PIK3C2A: variants seen among roughly 807,000 people sequenced by gnomAD.
PIK3C2A encodes the protein phosphatidylinositol 4-phosphate 3-kinase C2 domain-containing subunit alpha.
Under a neutral mutation model 204.5 loss-of-function variants are expected in PIK3C2A, and 97 were observed. The ratio of observed to expected loss-of-function variants is 0.47; its 90% CI spans 0.40 to 0.56. PIK3C2A has a LOEUF of 0.56. Among genes scored for constraint, PIK3C2A ranks in the 20% least tolerant of loss-of-function variants. The probability of loss-of-function intolerance (pLI) is 0.00; values close to 1 mark genes in which losing one functional copy is unlikely to be tolerated. For missense variants in PIK3C2A, 1,735 were observed against 1,969.2 expected (o/e 0.88, Z 2.25); for synonymous variants, 653 against 664.4 (o/e 0.98, Z 0.26).
At chr11:17,103,954 G>C (rs944639790) in intron 23 of PIK3C2A, among the ~76,000 whole-genome samples, 1 of 152,076 alleles carries the variant, frequency 6.6e-6, no homozygotes, top group South Asian at 2.1e-4. Flanking sequence ...TTTTTCCCCA[G>C]ATCACAAAGA....
chr11:17,169,666 C>A lies in PIK3C2A; in HGVS notation c.76G>T (p.Val26Leu), dbSNP rs368878866. Reference protein sequence around the residue: ...SHPEPTRAKDVDKEEALQMEA... With the variant: ...SHPEPTRAKDLDKEEALQMEA... ...ATCTGTAATGCTTCTTCTTTGTCCA[C>A]ATCTTTTGCTCTTGTTGGTTCCGGA... The change falls in exon 2 of 33, where the codon GTG (valine) becomes TTG (leucine). Residue 26 changes from valine (V) to leucine (L), a missense_variant. This residue lies in a region of PIK3C2A where 536 missense variants were observed against 546.7 expected (regional missense o/e 0.98). Transcript: ENST00000691414. The A allele has an allele frequency of 6.2e-6, 10 of 1,612,618 alleles. No individual in the cohort carries two copies. The African/African-American group carries it at 1.3e-4, about 22-fold the overall frequency.
intron 2 of PIK3C2A, among the ~76,000 whole-genome samples, chr11:17,158,348 CAAA>C (rs1038050449): frequency 2.8e-5 from 4 of 142,858 alleles, no homozygotes; most frequent in Non-Finnish European, 6.1e-5. Flanking sequence ...AACTCCGTCT[CAAA>C]AAAAAATAAT....
intron 30 of PIK3C2A, 130 bp downstream of exon 30, chr11:17,091,856 ATAGACTGGCT>A: frequency 1.4e-6 from 1 of 704,708 alleles, no homozygotes; most frequent in Admixed American, 2.5e-5. Flanking sequence ...TTATTCAGAA[ATAGACTGGCT>A]TAGAAAGAAT....
chr11:17,131,514 C>T (rs1038717817), intron 12 of PIK3C2A, among the ~76,000 whole-genome samples: 8 of 150,628 alleles, frequency 5.3e-5, no homozygotes, highest in South Asian at 2.1e-4. Flanking sequence ...CTCTGCCTCC[C>T]GGATTCATGA....
intron 1 of PIK3C2A, among the ~76,000 whole-genome samples, chr11:17,177,572 A>G (rs1259109584): frequency 6.6e-6 from 1 of 152,364 alleles, no homozygotes; most frequent in Admixed American, 6.5e-5. Context: ...AGATGGTAAT[A>G]GAAAACTAAA....
At chr11:17,131,343 T>A (rs747127352) in intron 12 of PIK3C2A, among the ~76,000 whole-genome samples, 25 of 152,072 alleles carry the variant, frequency 1.6e-4, no homozygotes, top group Non-Finnish European at 5.9e-5. Context: ...TAAATTTATA[T>A]CTTTAACTTG....
chr11:17,206,782 C>A (rs1304196002), intron 1 of PIK3C2A, among the ~76,000 whole-genome samples: 1 of 152,156 alleles, frequency 6.6e-6, no homozygotes, highest in African/African-American at 2.4e-5. Flanking sequence ...CTTCTTCTTG[C>A]ATCTCTTATA....
chr11:17,117,141 G>C (rs1447877536), intron 19 of PIK3C2A, among the ~76,000 whole-genome samples: 1 of 152,146 alleles, frequency 6.6e-6, no homozygotes, highest in Non-Finnish European at 1.5e-5. Context: ...ACAGAAAACA[G>C]TTTAGTGGCT....
At chr11:17,146,636 G>A (rs748487909) in intron 6 of PIK3C2A, among the ~76,000 whole-genome samples, 3 of 151,710 alleles carry the variant, frequency 2.0e-5, no homozygotes, top group Non-Finnish European at 4.4e-5. Flanking sequence ...CATGAGAATC[G>A]CTTGAGGGTG....
Position 17,117,688 on chromosome 11 carries a change from T to C in PIK3C2A, c.3036-17A>G, listed in dbSNP as rs776226370. 37 of 1,414,500 alleles carry C rather than the reference T, an allele frequency of 2.6e-5. No homozygotes were observed. The South Asian group carries it at 4.7e-4, about 18-fold the overall frequency. 87.6% of individuals were successfully genotyped at this position (1,414,500 alleles called of 1,614,324 possible). On this transcript the variant is annotated splice_polypyrimidine_tract_variant and intron_variant, in intron 18 of 32. Coordinates refer to ENST00000691414, the MANE Select transcript of PIK3C2A (RefSeq NM_002645.4). ...TTGAGAAGCCTAATACAGCAAAATA[T>C]TTATGTTAGTCACGTCTTGGTTTTT...
At chr11:17,168,442 G>A (rs897517829) in intron 2 of PIK3C2A, among the ~76,000 whole-genome samples, 21 of 152,022 alleles carry the variant, frequency 1.4e-4, no homozygotes, top group Admixed American at 3.3e-4. Context: ...TTAGCCGGGT[G>A]TGGTGGCGGG....
Position 17,089,888 on chromosome 11 carries a change from T to C in PIK3C2A, c.4911A>G (p.Leu1637=), listed in dbSNP as rs1848252379. The change falls in exon 33 of 33, where the codon CTA becomes CTG. Residue 1637 remains leucine (L), a synonymous_variant. Transcript: ENST00000691414. The stretch of plus-strand genomic sequence containing the variant: ...CACTTAGTTGAAGTTCTCGCTGTCT[T>C]AGGGTTTCTTTGCTATATCCACTGT... The part of the protein sequence containing the change: ...LVYSGYSKET[L]RQRELQLSVL... 1.2e-6 allele frequency: 2 copies of C among 1,612,180 alleles called. No individual in the cohort carries two copies. The highest frequency in any genetic ancestry group is 2.2e-5 in the East Asian group (1 of 44,840).
intron 13 of PIK3C2A, among the ~76,000 whole-genome samples, chr11:17,128,101 T>C (rs1482954304): frequency 7.2e-5 from 11 of 152,244 alleles, no homozygotes. Context: ...TAAGGATACC[T>C]ATGTAGCACT....
Position 17,101,336 on chromosome 11 carries a change from C to G in PIK3C2A, c.3950G>C (p.Cys1317Ser). ...IRFQLFVDLC[C>S]QAYNLIRKQT... ...CTTTCTTATCAAGTTGTAGGCCTGA[C>G]AGCAGAGGTCCACAAACAACTGAAA... Residue 1317 changes from cysteine to serine, a missense_variant, in exon 25 of 33, where the codon TGT becomes TCT. Around this residue, in one of 6 missense-constraint regions of PIK3C2A, gnomAD observed 503 missense variants for 669.0 expected, o/e 0.75. Transcript: ENST00000691414. The G allele has an allele frequency of 6.3e-7, 1 of 1,591,712 alleles. No homozygotes were observed.
At chr11:17,201,933 C>T (rs574229655) in intron 1 of PIK3C2A, among the ~76,000 whole-genome samples, 1 of 152,256 alleles carries the variant, frequency 6.6e-6, no homozygotes, top group East Asian at 1.9e-4. Flanking sequence ...TATCTAAACA[C>T]TCAAATGCCA....
intron 12 of PIK3C2A, among the ~76,000 whole-genome samples, chr11:17,131,298 C>T (rs922664366): frequency 1.3e-5 from 2 of 152,014 alleles, no homozygotes; most frequent in Admixed American, 6.6e-5. Flanking sequence ...TATAAAATAC[C>T]GTCTTTCTAT....
At chr11:17,101,975 T>A (rs1848650061) in intron 24 of PIK3C2A, among the ~76,000 whole-genome samples, 1 of 152,176 alleles carries the variant, frequency 6.6e-6, no homozygotes, top group Non-Finnish European at 1.5e-5. Flanking sequence ...TGTATGAAAT[T>A]TCCTTACATA....
In PIK3C2A at chr11:17,089,199, T is replaced by C. The variant is rs1848226795; in HGVS notation, c.*539A>G. ...GACATGAATAAAAAGCAGTATTACG[T>C]TTTTCCCTACTTCTATAAACTACTT... On this transcript the variant is annotated 3_prime_UTR_variant, in exon 33 of 33. Coordinates refer to ENST00000691414, the MANE Select transcript of PIK3C2A (RefSeq NM_002645.4). 1 of 152,232 alleles carries C rather than the reference T, an allele frequency of 6.6e-6. No homozygotes were observed. The highest frequency in any genetic ancestry group is 2.1e-4 in the South Asian group (1 of 4,838). 9.4% of individuals were successfully genotyped at this position (152,232 alleles called of 1,614,324 possible).
In PIK3C2A at chr11:17,089,650, AGTGT is replaced by A. The variant is rs66708666; in HGVS notation, c.*84_*87del. The A allele has an allele frequency of 8.3e-5, 58 of 698,660 alleles. No homozygotes were observed. The highest frequency in any genetic ancestry group is 2.2e-4 in the East Asian group (8 of 35,618). The allele number at this position is 698,660 out of a possible 1,614,324, so 43.3% of individuals were successfully genotyped here. A position where few individuals can be genotyped will look rare whatever the true frequency, so the allele number is the denominator to read the frequency against. On this transcript the variant is annotated 3_prime_UTR_variant, in exon 33 of 33. Transcript: ENST00000691414. ...ATAAAAATACTATACAAAATTAACA[AGTGT>A]GTGTGTGTGTGTCTGTGTGTGTGTG...
Sources: gnomAD v4.1 joint callset for allele counts (sites outside exome capture counted in the v4.1 genomes callset) on GRCh38, gnomAD v4.1.1 for gene constraint, gnomAD v4.1.1 regional missense constraint, MANE v1.5 for transcripts, NCBI Gene and HGNC (gene_info 2026-07-23, HGNC 2026-07-21) for gene names.